Variants in DACH2 observed in about 807,000 individuals in gnomAD.
The protein encoded by DACH2 is dachshund family transcription factor 2, also known as dachshund homolog 2.
In DACH2, 17 loss-of-function variants were observed where a neutral mutation model predicts 35.8. That is an observed-to-expected ratio of 0.48 (90% CI 0.33 to 0.71). The LOEUF is 0.71. DACH2 is among the 30% of genes least tolerant of loss of function. The probability of loss-of-function intolerance (pLI) is 0.02; values close to 1 mark genes in which losing one functional copy is unlikely to be tolerated. For missense variants in DACH2, 469 were observed against 472.7 expected, an observed-to-expected ratio of 0.99 and a Z score of 0.07; for synonymous variants, 195 against 177.3, an observed-to-expected ratio of 1.10 and a Z score of -0.79.
In DACH2 at chrX:86,421,353, G is replaced by T. The variant is rs1424223581; in HGVS notation, c.527+44491G>T. Among the ~76,000 whole-genome samples the T allele has an allele frequency of 2.7e-5, 3 of 111,262 alleles. No individual in the cohort carries two copies. The East Asian group carries it at 8.5e-4, about 31-fold the overall frequency. On this transcript the variant is annotated intron_variant, in intron 2 of 11. Coordinates refer to ENST00000373125, the MANE Select transcript of DACH2 (RefSeq NM_053281.3). ...TTAAAGCAGCCCTAGGAGTTTGGTG[G>T]TGTTAAGTAAAGAGGTAGGTCTTTT...
chrX:86,430,803 C>G (rs962533377), intron 2 of DACH2, among the ~76,000 whole-genome samples: 1 of 112,110 alleles, frequency 8.9e-6, no homozygotes, highest in Non-Finnish European at 1.9e-5. Flanking sequence ...GCAGTGTGCT[C>G]ACGTAACTCA....
intron 6 of DACH2, among the ~76,000 whole-genome samples, chrX:86,736,470 T>G (rs1327080608): frequency 8.9e-6 from 1 of 112,021 alleles, no homozygotes; most frequent in African/African-American, 3.2e-5. Flanking sequence ...TTTATATCAT[T>G]TTATCCTATG....
intron 1 of DACH2, among the ~76,000 whole-genome samples, chrX:86,158,086 T>C (rs906521826): frequency 1.8e-5 from 2 of 111,190 alleles, no homozygotes; most frequent in African/African-American, 6.5e-5. Context: ...CCATAAAATA[T>C]TATATATGTA....
chrX:86,546,379 T>TCTTCTG (rs2038962567), intron 3 of DACH2, among the ~76,000 whole-genome samples: 1 of 71,159 alleles, frequency 1.4e-5, no homozygotes, highest in African/African-American at 8.5e-5. Flanking sequence ...TTCTTCTTCT[T>TCTTCTG]CTTCTTCTTC....
chrX:86,246,499 TG>T (rs1399919316), intron 1 of DACH2, among the ~76,000 whole-genome samples: 1 of 112,069 alleles, frequency 8.9e-6, no homozygotes, highest in African/African-American at 3.2e-5. Flanking sequence ...CAGAAGAGAC[TG>T]GGGTCATATA....
At chrX:86,584,813 A>C (rs184555226) in intron 3 of DACH2, among the ~76,000 whole-genome samples, 2 of 111,121 alleles carry the variant, frequency 1.8e-5, no homozygotes, top group Admixed American at 9.6e-5. Context: ...TCAGCTTTTC[A>C]GTGTTCTAGT....
At chrX:86,590,297 G>T (rs2148348647) in intron 3 of DACH2, among the ~76,000 whole-genome samples, 1 of 112,124 alleles carries the variant, frequency 8.9e-6, no homozygotes. Context: ...TCCTCCCCCA[G>T]CCTTCCAGTC....
chrX:86,444,497 G>C (rs1470568249), intron 2 of DACH2, among the ~76,000 whole-genome samples: 1 of 111,505 alleles, frequency 9.0e-6, no homozygotes, highest in African/African-American at 3.3e-5. Context: ...ACTTATTATT[G>C]GTTTGTTGAA....
chrX:86,618,328 T>G (rs1377814001), intron 3 of DACH2, among the ~76,000 whole-genome samples: 1 of 112,307 alleles, frequency 8.9e-6, no homozygotes, highest in Non-Finnish European at 1.9e-5. Context: ...ATTATTTTGG[T>G]GATTCAGTGC....
intron 1 of DACH2, among the ~76,000 whole-genome samples, chrX:86,259,121 A>G (rs1201059358): frequency 8.9e-6 from 1 of 112,407 alleles, no homozygotes; most frequent in African/African-American, 3.2e-5. Context: ...TTTGATTAAT[A>G]TCAAAATCTA....
At chrX:86,485,368 G>A (rs751676120) in intron 2 of DACH2, among the ~76,000 whole-genome samples, 17 of 111,227 alleles carry the variant, frequency 1.5e-4, no homozygotes, top group Non-Finnish European at 3.2e-4. Context: ...GCCAGAGAAT[G>A]GGGAGGGCAG....
chrX:86,401,793 A>G (rs2036438456), intron 2 of DACH2, among the ~76,000 whole-genome samples: 1 of 110,810 alleles, frequency 9.0e-6, no homozygotes, highest in Non-Finnish European at 1.9e-5. Context: ...TCAACAAAAT[A>G]CTAGTAAATT....
intron 6 of DACH2, among the ~76,000 whole-genome samples, chrX:86,722,237 T>C (rs1033905791): frequency 1.8e-4 from 20 of 112,274 alleles, no homozygotes; most frequent in African/African-American, 6.5e-4. Flanking sequence ...TTGAGCTCTT[T>C]TATCATGAAG....
At chrX:86,457,931 G>C (rs770616703) in intron 2 of DACH2, among the ~76,000 whole-genome samples, 69 of 112,087 alleles carry the variant, frequency 6.2e-4, no homozygotes, top group Non-Finnish European at 1.1e-3. Flanking sequence ...GGGGTTGACA[G>C]ATCTCTAAAG....
intron 3 of DACH2, among the ~76,000 whole-genome samples, chrX:86,603,658 A>G (rs12010206): frequency 0.034 from 3,753 of 111,180 alleles, 183 homozygotes; most frequent in African/African-American, 0.12. Flanking sequence ...GTTTTTTACT[A>G]TAAATTTTAT....
intron 1 of DACH2, among the ~76,000 whole-genome samples, chrX:86,179,276 C>A (rs774727434): frequency 8.9e-6 from 1 of 112,294 alleles, no homozygotes; most frequent in Non-Finnish European, 1.9e-5. Flanking sequence ...AATATCTCAG[C>A]CCCCCAGGCT....
At chrX:86,596,109 C>T (rs2039708223) in intron 3 of DACH2, among the ~76,000 whole-genome samples, 1 of 112,051 alleles carries the variant, frequency 8.9e-6, no homozygotes, top group African/African-American at 3.2e-5. Flanking sequence ...TTTTCTATGG[C>T]TGAATAATAT....
At chrX:86,792,609 G>A (rs1048693149) in intron 7 of DACH2, among the ~76,000 whole-genome samples, 2 of 111,030 alleles carry the variant, frequency 1.8e-5, no homozygotes, top group African/African-American at 6.5e-5. Context: ...CCCACATATG[G>A]GTGATAGCAT....
At chrX:86,760,654 C>T (rs952223463) in intron 7 of DACH2, among the ~76,000 whole-genome samples, 1 of 111,635 alleles carries the variant, frequency 9.0e-6, no homozygotes, top group Admixed American at 9.5e-5. Context: ...TTGTATCTCA[C>T]TGAGCTTCTT....
Sources: allele counts gnomAD v4.1 joint callset (sites outside exome capture counted in the v4.1 genomes callset), GRCh38; gene constraint gnomAD v4.1.1; transcripts MANE v1.5; gene names NCBI Gene and HGNC (gene_info 2026-07-23, HGNC 2026-07-21).